Variants in LARS2 observed in about 807,000 individuals in gnomAD.
LARS2 encodes the protein leucyl-tRNA synthetase 2, mitochondrial, also known as leucine--tRNA ligase, mitochondrial.
LARS2 carries 81 observed loss-of-function variants against 116.6 expected under a neutral mutation model. That is an observed-to-expected ratio of 0.69 (90% confidence interval 0.58 to 0.84). The LOEUF (loss-of-function observed/expected upper bound fraction) is 0.84. Among genes scored for constraint, LARS2 ranks in the 40% least tolerant of loss-of-function variants. The pLI is 0.00. For missense variants in LARS2, 968 were observed against 1,114.5 expected (o/e 0.87, Z 1.87); for synonymous variants, 396 against 407.2 (o/e 0.97, Z 0.33).
intron 12 of LARS2, among the ~76,000 whole-genome samples, chr3:45,491,025 T>C (rs1699904787): frequency 6.6e-6 from 1 of 152,236 alleles, no homozygotes; most frequent in African/African-American, 2.4e-5. Context: ...TCTGAATATT[T>C]TCCCCCCAAC....
chr3:45,407,935 C>T (rs1411049157), intron 4 of LARS2, among the ~76,000 whole-genome samples: 2 of 152,186 alleles, frequency 1.3e-5, no homozygotes, highest in Non-Finnish European at 2.9e-5. Flanking sequence ...TATATCTTTG[C>T]CTCTTTAAAA....
intron 6 of LARS2, among the ~76,000 whole-genome samples, chr3:45,423,959 C>G (rs974785312): frequency 6.6e-6 from 1 of 152,138 alleles, no homozygotes; most frequent in African/African-American, 2.4e-5. Flanking sequence ...TACTTATAGG[C>G]TTGCAGGAAG....
chr3:45,405,647 AC>A (rs1698222069), intron 4 of LARS2, among the ~76,000 whole-genome samples: 1 of 152,208 alleles, frequency 6.6e-6, no homozygotes, highest in African/African-American at 2.4e-5. Flanking sequence ...AACCCCAGAC[AC>A]CCAATTCATG....
At chr3:45,539,090 T>C (rs571795608) in intron 20 of LARS2, among the ~76,000 whole-genome samples, 2 of 152,322 alleles carry the variant, frequency 1.3e-5, no homozygotes, top group Admixed American at 6.5e-5. Flanking sequence ...AGGGAAGATA[T>C]ATTCAACAAA....
intron 15 of LARS2, among the ~76,000 whole-genome samples, chr3:45,512,879 G>A (rs1444727744): frequency 1.3e-5 from 2 of 152,140 alleles, no homozygotes; most frequent in Non-Finnish European, 2.9e-5. Flanking sequence ...AGGCCAGGTG[G>A]GGTGGCTCAC....
In LARS2 at chr3:45,531,733, G is replaced by T. The variant is rs77246450; in HGVS notation, c.2404+7625G>T. ...TTGAGAAAAATTGCATATATTTATG[G>T]TGTACAATGTGTTGTTTTGATATAT... On this transcript the variant is annotated intron_variant, in intron 20 of 21. Transcript: ENST00000645846. Among the ~76,000 whole-genome samples, 7 of 152,246 alleles carry T rather than the reference G, an allele frequency of 4.6e-5. No individual in the cohort carries two copies. In the East Asian group the frequency reaches 1.3e-3, roughly 29 times the overall value.
intron 15 of LARS2, chr3:45,506,878 T>A (rs1008844930): frequency 1.2e-4 from 18 of 152,100 alleles, no homozygotes; most frequent in Non-Finnish European, 2.2e-4. Flanking sequence ...CCTGCACAGT[T>A]AGGCTTGCAG....
chr3:45,424,769 G>A (rs1698568156), intron 6 of LARS2, among the ~76,000 whole-genome samples: 1 of 152,154 alleles, frequency 6.6e-6, no homozygotes, highest in Admixed American at 6.5e-5. Flanking sequence ...GGTGCTCAGT[G>A]ACCACTTTTG....
In LARS2 at chr3:45,533,296, C is replaced by G. The variant is rs538601188; in HGVS notation, c.2405-8533C>G. Among the ~76,000 whole-genome samples the G allele has an allele frequency of 3.3e-5, 5 of 151,454 alleles. No homozygotes were observed. In the South Asian group the frequency reaches 8.4e-4, roughly 25 times the overall value. On this transcript the variant is annotated intron_variant, in intron 20 of 21. Coordinates refer to ENST00000645846, the MANE Select transcript of LARS2 (RefSeq NM_015340.4). ...CTCCTGAGTAGCTGGGACTACAGGC[C>G]CCCGCCACCATACCCAGCTAATTTT...
At chr3:45,524,732 T>C (rs550177997) in intron 20 of LARS2, among the ~76,000 whole-genome samples, 1 of 152,322 alleles carries the variant, frequency 6.6e-6, no homozygotes, top group South Asian at 2.1e-4. Flanking sequence ...TTTCTAGAAA[T>C]AGGTCATCTG....
chr3:45,484,844 C>CT (rs144459109), intron 10 of LARS2, among the ~76,000 whole-genome samples: 5,914 of 148,628 alleles, frequency 0.04, 320 homozygotes, highest in African/African-American at 0.13. Context: ...TAATGTCTTC[C>CT]TTTTTTTTTC....
intron 5 of LARS2, among the ~76,000 whole-genome samples, chr3:45,417,878 G>T (rs754764108): frequency 6.6e-6 from 1 of 152,098 alleles, no homozygotes; most frequent in Non-Finnish European, 1.5e-5. Context: ...GAAGAGGGTC[G>T]CATTTGTTAA....
intron 8 of LARS2, among the ~76,000 whole-genome samples, chr3:45,473,682 C>A (rs958923015): frequency 4.7e-5 from 7 of 150,020 alleles, no homozygotes; most frequent in African/African-American, 1.5e-4. Flanking sequence ...CTGCACCTGG[C>A]CTGTTGTTGT....
intron 6 of LARS2, among the ~76,000 whole-genome samples, chr3:45,434,870 A>G (rs9825692): frequency 0.59 from 90,147 of 152,066 alleles, 30,465 homozygotes; most frequent in Non-Finnish European, 0.73. Flanking sequence ...CAAGCTCCCC[A>G]CTAGCCTTCC....
intron 8 of LARS2, among the ~76,000 whole-genome samples, chr3:45,471,146 A>G (rs908876013): frequency 1.3e-5 from 2 of 151,810 alleles, no homozygotes; most frequent in African/African-American, 4.8e-5. Flanking sequence ...AACTACTCAC[A>G]TCTTATTCTG....
At chr3:45,537,042 G>GTGTA (rs1553639262) in intron 20 of LARS2, among the ~76,000 whole-genome samples, 6 of 151,960 alleles carry the variant, frequency 3.9e-5, no homozygotes, top group African/African-American at 1.4e-4. Context: ...GTGTGTGTGT[G>GTGTA]TGTGTGTGTG....
chr3:45,415,898 GAGA>G, intron 4 of LARS2, among the ~76,000 whole-genome samples: 1 of 67,858 alleles, frequency 1.5e-5, no homozygotes, highest in South Asian at 5.7e-4. Flanking sequence ...GAGAGGGAGA[GAGA>G]GAGAGAGAGA....
chr3:45,521,218 T>C (rs750237101), intron 19 of LARS2, among the ~76,000 whole-genome samples: 1 of 152,128 alleles, frequency 6.6e-6, no homozygotes, highest in African/African-American at 2.4e-5. Context: ...GGCAGGAGAA[T>C]GGTGTGAACC....
At position 45,459,221 on chromosome 3, in the gene LARS2, A is replaced by G. The variant is rs1056366177; in HGVS notation, c.750+335A>G. Among the ~76,000 whole-genome samples the G allele has an allele frequency of 3.9e-5, 6 of 152,304 alleles. No individual in the cohort carries two copies. In the South Asian group the frequency reaches 8.3e-4, roughly 21 times the overall value. Reference sequence around the variant, plus strand: ...GAGAGGGGGGCCTTTAAAAAAAGAGAGAGAAAAGTGTCTTCAACTGTGTAG... The same window carrying G: ...GAGAGGGGGGCCTTTAAAAAAAGAGGGAGAAAAGTGTCTTCAACTGTGTAG... On this transcript the variant is annotated intron_variant, in intron 8 of 21. Transcript: ENST00000645846.
Sources: gnomAD v4.1 joint callset for allele counts (sites outside exome capture counted in the v4.1 genomes callset) on GRCh38, gnomAD v4.1.1 for gene constraint, MANE v1.5 for transcripts, NCBI Gene and HGNC (gene_info 2026-07-23, HGNC 2026-07-21) for gene names.